The following PIGN variants were observed in gnomAD, a reference collection of about 807,000 sequenced individuals.
PIGN encodes GPI ethanolamine phosphate transferase 1.
Under a neutral mutation model 125.4 loss-of-function variants are expected in PIGN, and 117 were observed. The ratio of observed to expected loss-of-function variants is 0.93; its 90% CI spans 0.80 to 1.09. The LOEUF is 1.09. Among genes scored for constraint, PIGN ranks in the 50% least tolerant of loss-of-function variants. The pLI, the probability that PIGN is intolerant of heterozygous loss-of-function variation, is 0.00. For synonymous variants in PIGN, 392 were observed against 377.8 expected, an observed-to-expected ratio of 1.04 and a Z score of -0.44; for missense variants, 1,075 against 1,094.9, an observed-to-expected ratio of 0.98 and a Z score of 0.26.
intron 30 of PIGN, chr18:62,052,989 C>A: frequency 5.3e-6 from 2 of 379,558 alleles, no homozygotes; most frequent in South Asian, 1.4e-4. Context: ...AAGAAAGAAT[C>A]TGCTAAAATT....
At chr18:62,137,987 C>A in intron 14 of PIGN, 1 of 419,648 alleles carries the variant, frequency 2.4e-6, no homozygotes, top group Non-Finnish European at 4.2e-6. Flanking sequence ...CCAGTCAAGC[C>A]CTGTGGAGTT....
chr18:62,025,441 A>G (rs1180250418), intron 23 of PIGN, among the ~76,000 whole-genome samples: 1 of 152,244 alleles, frequency 6.6e-6, no homozygotes, highest in Non-Finnish European at 1.5e-5. Flanking sequence ...CAGAAGTGAG[A>G]GAGGATACAA....
chr18:62,065,007 A>T (rs1486277903), intron 30 of PIGN, among the ~76,000 whole-genome samples: 1 of 152,256 alleles, frequency 6.6e-6, no homozygotes, highest in Non-Finnish European at 1.5e-5. Context: ...GGATAAAGGA[A>T]AGCCTCCTGG....
intron 14 of PIGN, among the ~76,000 whole-genome samples, chr18:62,128,016 A>C (rs1435400705): frequency 6.6e-6 from 1 of 152,198 alleles, no homozygotes; most frequent in Non-Finnish European, 1.5e-5. Flanking sequence ...AAAAATCCTT[A>C]TGAAATTTTC....
In PIGN at chr18:62,045,927, T is replaced by C; in HGVS notation, c.2725A>G (p.Asn909Asp). The change falls in exon 31 of 31, where the codon AAT (asparagine) becomes GAT (aspartate). Residue 909 changes from asparagine to aspartate, a missense_variant. By Grantham distance (23) the Asn-to-Asp change is conservative (BLOSUM62 1). Coordinates refer to ENST00000640252, the MANE Select transcript of PIGN (RefSeq NM_176787.5). ...GTTGTGAGCAGCTGGGCCAGGCCAT[T>C]GAGGAACACCAAAAAGATGGTCATG... ...MSMTIFLVFL[N>D]GLAQLLTTKK... The C allele has an allele frequency of 6.2e-7, 1 of 1,613,628 alleles. No homozygotes were observed. The highest frequency in any genetic ancestry group is 2.2e-5 in the East Asian group (1 of 44,872).
intron 28 of PIGN, chr18:62,076,128 G>C (rs984584000): frequency 6.6e-6 from 1 of 152,112 alleles, no homozygotes; most frequent in African/African-American, 2.4e-5. Flanking sequence ...TAGAGACGGG[G>C]TTACACCATG....
intron 30 of PIGN, among the ~76,000 whole-genome samples, chr18:62,065,631 C>T (rs899503632): frequency 4.6e-5 from 7 of 151,578 alleles, no homozygotes; most frequent in African/African-American, 1.7e-4. Context: ...CCCAGCTACT[C>T]GGGAGGCTGA....
chr18:62,130,144 T>C (rs9807301), intron 14 of PIGN, among the ~76,000 whole-genome samples: 35,893 of 152,074 alleles, frequency 0.24, 4,503 homozygotes, highest in Middle Eastern at 0.37. Flanking sequence ...GGAGCATGGT[T>C]CTGGTGACAC....
chr18:62,151,673 T>G (rs944291888), intron 7 of PIGN, among the ~76,000 whole-genome samples: 1 of 152,218 alleles, frequency 6.6e-6, no homozygotes, highest in African/African-American at 2.4e-5. Context: ...AGGCATACTT[T>G]CCTTTCTTTC....
chr18:62,156,075 T>C (rs1314538254), intron 6 of PIGN, among the ~76,000 whole-genome samples: 1 of 152,242 alleles, frequency 6.6e-6, no homozygotes, highest in Non-Finnish European at 1.5e-5. Flanking sequence ...TCAATCTTTC[T>C]GCTCCCACTT....
Position 62,118,282 on chromosome 18 carries a change from T to A in PIGN, c.1173-3643A>T, listed in dbSNP as rs1249756870. Reference sequence around the variant, plus strand: ...ATGCATTACTTGTTCATTAACACTTTTAAATAAAATGACTAAAACACTAAG... The same window carrying A: ...ATGCATTACTTGTTCATTAACACTTATAAATAAAATGACTAAAACACTAAG... On this transcript the variant is annotated intron_variant, in intron 14 of 30. Coordinates refer to ENST00000640252, the MANE Select transcript of PIGN (RefSeq NM_176787.5). 2.0e-5 allele frequency among the ~76,000 whole-genome samples: 3 copies of A among 152,242 alleles called. No individual in the cohort carries two copies. In the East Asian group the frequency reaches 5.8e-4, roughly 29 times the overall value.
chr18:62,158,007 C>A, intron 4 of PIGN, 199 bp from the exon 5 acceptor site: 1 of 504,190 alleles, frequency 2.0e-6, no homozygotes, highest in Non-Finnish European at 3.6e-6. Flanking sequence ...CATGAATTTG[C>A]TGATGTAAGA....
chr18:62,137,597 C>T (rs892349033), intron 14 of PIGN: 11 of 152,930 alleles, frequency 7.2e-5, no homozygotes, highest in Admixed American at 1.3e-4. Context: ...CCACTATGCC[C>T]GGCTAATTTT....
rs28612543 is a variant in PIGN at position 62,125,220 on chromosome 18, T to A, written c.1173-10581A>T. Among the ~76,000 whole-genome samples the A allele has an allele frequency of 5.9e-3, 872 of 148,306 alleles. 18 individuals are homozygous for A. The highest frequency in any genetic ancestry group is 0.034 in the East Asian group (167 of 4,940). On this transcript the variant is annotated intron_variant, in intron 14 of 30. Transcript: ENST00000640252. ...CATATGTGTATATAAATATACACGT[T>A]TGTACATATGTGTATATAAATATAC...
At position 62,140,430 on chromosome 18, in the gene PIGN, A is replaced by G. The variant is rs756261342; in HGVS notation, c.1013T>C (p.Leu338Pro). 1.3e-6 allele frequency: 2 copies of G among 1,504,122 alleles called. No homozygotes were observed. Among genetic ancestry groups the G allele is most frequent in the Non-Finnish European group, 1.8e-6 (2 of 1,094,464 alleles). The allele number at this position is 1,504,122 out of a possible 1,614,324, so 93.2% of individuals were successfully genotyped here. Residue 338 changes from leucine (L) to proline (P), a missense_variant, in exon 12 of 31, where the codon CTT becomes CCT. Leu to Pro is a moderately conservative substitution (Grantham distance 98). This residue lies in a region of PIGN where 915 missense variants were observed against 908.7 expected (regional missense o/e 1.01). Coordinates refer to ENST00000640252, the MANE Select transcript of PIGN (RefSeq NM_176787.5). ...MTSLIGVPFPLNSVGILPVDY... is the reference protein window; with the variant it reads ...MTSLIGVPFPPNSVGILPVDY... ...AATTTTATTCCTTACCACTGAGTTA[A>G]GAGGAAAGGGAACTCCAATAAGGGA... is the stretch of plus-strand genomic sequence containing the variant.
chr18:62,138,249 G>A lies in PIGN; in HGVS notation c.1166C>T (p.Pro389Leu). The change falls in exon 14 of 31, where the codon CCA (proline) becomes CTA (leucine). Residue 389 changes from proline to leucine, a missense_variant. Physicochemically the swap from Pro to Leu is moderately conservative, Grantham distance 98. Transcript: ENST00000640252. The stretch of plus-strand genomic sequence containing the variant: ...AAAAATGTAAGGGACTTACTTAAAT[G>A]GTGTAAACAAAAATGGTAAAGTAAC... Reference protein sequence around the residue: ...KEVTLPFLFTPFKLLSDSKQF... With the variant: ...KEVTLPFLFTLFKLLSDSKQF... 1 of 1,546,574 alleles carries A rather than the reference G, an allele frequency of 6.5e-7. No individual in the cohort carries two copies. Among genetic ancestry groups the A allele is most frequent in the Non-Finnish European group, 8.7e-7 (1 of 1,145,568 alleles).
Position 62,023,360 on chromosome 18 carries a change from C to A in PIGN, c.2143-5619G>T, listed in dbSNP as rs117917808. ...TTTTGTGATTGCTTCTTTCACTTAGCATAATGTTTTCAAGGTCACCCATGT... is the reference window on the plus strand; with the variant it reads ...TTTTGTGATTGCTTCTTTCACTTAGAATAATGTTTTCAAGGTCACCCATGT... On this transcript the variant is annotated intron_variant, in intron 23 of 24. Coordinates refer to the PIGN transcript ENST00000639600. Among the ~76,000 whole-genome samples the A allele has an allele frequency of 2.5e-3, 385 of 152,314 alleles. 3 individuals carry two copies. The highest frequency in any genetic ancestry group is 4.3e-3 in the Non-Finnish European group (294 of 68,020).
rs1392968493 is a variant in PIGN, at chr18:62,042,619, CAATT to C, written c.*3233_*3236del. 1 of 151,348 alleles carries C rather than the reference CAATT, an allele frequency of 6.6e-6. No homozygotes were observed. Among genetic ancestry groups the C allele is most frequent in the Non-Finnish European group, 1.5e-5 (1 of 67,934 alleles). 9.4% of individuals were successfully genotyped at this position (151,348 alleles called of 1,614,324 possible). A position where few individuals can be genotyped will look rare whatever the true frequency, so the allele number is the denominator to read the frequency against. On this transcript the variant is annotated 3_prime_UTR_variant, in exon 31 of 31. Transcript: ENST00000640252. ...ATTCTAGATTTTAGCCCTGTGAGGC[CAATT>C]AAAGATAATTTTGATTATTAATGTT...
intron 23 of PIGN, among the ~76,000 whole-genome samples, chr18:62,028,315 T>C (rs778289860): frequency 2.6e-5 from 4 of 152,238 alleles, no homozygotes; most frequent in Non-Finnish European, 5.9e-5. Flanking sequence ...TCCTGAGCCA[T>C]CCAGCTGTTT....
Sources: gnomAD v4.1 joint callset for allele counts (sites outside exome capture counted in the v4.1 genomes callset) on GRCh38, gnomAD v4.1.1 for gene constraint, gnomAD v4.1.1 regional missense constraint, MANE v1.5 for transcripts, NCBI Gene and HGNC (gene_info 2026-07-23, HGNC 2026-07-21) for gene names.